PASD1: variants seen among roughly 807,000 people sequenced by gnomAD.
PASD1 encodes circadian clock protein PASD1.
PASD1 carries 13 observed loss-of-function variants against 58.8 expected under a neutral mutation model. That is an observed-to-expected ratio of 0.22 (90% CI 0.14 to 0.35). The LOEUF (loss-of-function observed/expected upper bound fraction) is 0.35. Ranked by LOEUF, PASD1 falls within the 10% of genes least tolerant of loss-of-function variation. PASD1 has a pLI of 1.00. For synonymous variants in PASD1, 236 were observed against 216.7 expected (o/e 1.09, Z -0.78); for missense variants, 734 against 568.3 (o/e 1.29, Z -2.96).
intron 11 of PASD1, among the ~76,000 whole-genome samples, chrX:151,666,716 A>G (rs1395307078): frequency 5.1e-5 from 5 of 97,631 alleles, no homozygotes; most frequent in Non-Finnish European, 1.0e-4. Context: ...ACATGAACTC[A>G]TCATTTTTTA....
intron 10 of PASD1, among the ~76,000 whole-genome samples, chrX:151,661,037 C>T (rs936606294): frequency 2.7e-5 from 3 of 110,731 alleles, no homozygotes; most frequent in African/African-American, 9.9e-5. Context: ...CGCCTGTAGT[C>T]CCAGCTATTC....
intron 4 of PASD1, among the ~76,000 whole-genome samples, chrX:151,616,462 A>G (rs1228050877): frequency 9.3e-6 from 1 of 107,511 alleles, no homozygotes; most frequent in African/African-American, 3.4e-5. Context: ...CTTTTATCTG[A>G]AACCTGCCAT....
chrX:151,570,475 T>C (rs895470098), intron 1 of PASD1, among the ~76,000 whole-genome samples: 5 of 112,380 alleles, frequency 4.4e-5, no homozygotes, highest in Non-Finnish European at 9.4e-5. Flanking sequence ...AAAATGAAAT[T>C]CTAAAAAGAA....
rs1310651400 is a variant in PASD1 at position 151,671,740 on chromosome X, C to G, written c.1398C>G (p.Asn466Lys). The G allele has an allele frequency of 1.7e-6, 2 of 1,208,742 alleles. No individual in the cohort carries two copies. Among genetic ancestry groups the G allele is most frequent in the African/African-American group, 1.7e-5 (1 of 57,257 alleles). The change falls in exon 13 of 16, where the codon AAC becomes AAG. Residue 466 changes from asparagine (N) to lysine (K), a missense_variant. By Grantham distance (94) the Asn-to-Lys change is moderately conservative. Coordinates refer to ENST00000370357, the MANE Select transcript of PASD1 (RefSeq NM_173493.3). ...CGLSLSNSLKNTGELQEPCVA... is the reference protein window; with the variant it reads ...CGLSLSNSLKKTGELQEPCVA... ...TATCTTTATCCAACTCTCTCAAAAA[C>G]ACTGGGGAGCTTCAGGAGCCTTGTG...
chrX:151,636,041 GT>G (rs1024645886), intron 8 of PASD1, among the ~76,000 whole-genome samples: 5 of 111,176 alleles, frequency 4.5e-5, no homozygotes, highest in Non-Finnish European at 9.4e-5. Flanking sequence ...GATATACAAT[GT>G]TTTCAGCACA....
intron 1 of PASD1, among the ~76,000 whole-genome samples, chrX:151,597,837 TCTC>T (rs2013341790): frequency 9.0e-6 from 1 of 111,452 alleles, no homozygotes; most frequent in African/African-American, 3.3e-5. Flanking sequence ...TTCAAGCAAT[TCTC>T]CTGCCTCAGC....
intron 9 of PASD1, among the ~76,000 whole-genome samples, chrX:151,655,699 C>T (rs2014230705): frequency 9.0e-6 from 1 of 111,295 alleles, no homozygotes; most frequent in African/African-American, 3.3e-5. Flanking sequence ...GTTGATGGGG[C>T]TGTTTGTTTT....
intron 1 of PASD1, among the ~76,000 whole-genome samples, chrX:151,567,036 C>T (rs1484805314): frequency 9.8e-6 from 1 of 102,020 alleles, no homozygotes. Context: ...AAGAGTGAAA[C>T]TCCGTCTCAA....
Position 151,599,633 on chromosome X carries a change from C to T in PASD1, c.-27-1894C>T, listed in dbSNP as rs181280305. 2.6e-3 allele frequency among the ~76,000 whole-genome samples: 275 copies of T among 107,811 alleles called. 1 individual carries two copies. Among genetic ancestry groups the T allele is most frequent in the Admixed American group, 0.017 (176 of 10,302 alleles). The allele number at this position is 107,811 out of a possible 115,157, so 93.6% of individuals were successfully genotyped here. A position where few individuals can be genotyped will look rare whatever the true frequency, so the allele number is the denominator to read the frequency against. ...ACTCCTCAGTTCCCAGATGGGGTCG[C>T]GGCCGGGCAGAGGCGCTCCTCACAT... On this transcript the variant is annotated intron_variant, in intron 1 of 15. Transcript: ENST00000370357.
chrX:151,601,629 G>A (rs371041757), intron 2 of PASD1, 48 bp downstream of exon 2: 22 of 1,156,467 alleles, frequency 1.9e-5, no homozygotes, highest in East Asian at 1.2e-4. Flanking sequence ...CCTCTCCCTC[G>A]TCCTGTGTTC....
intron 1 of PASD1, among the ~76,000 whole-genome samples, chrX:151,596,234 G>T (rs2013320688): frequency 8.9e-6 from 1 of 112,091 alleles, no homozygotes. Context: ...CAAGGGGATG[G>T]CCCTAGCTTC....
intron 1 of PASD1, among the ~76,000 whole-genome samples, chrX:151,578,681 G>A (rs2013045394): frequency 8.9e-6 from 1 of 112,143 alleles, no homozygotes; most frequent in Non-Finnish European, 1.9e-5. Flanking sequence ...AGTCCCCTCT[G>A]ATCTTAGATG....
At chrX:151,657,518 T>C (rs2014259100) in intron 9 of PASD1, among the ~76,000 whole-genome samples, 2 of 111,721 alleles carry the variant, frequency 1.8e-5, no homozygotes, top group Admixed American at 1.9e-4. Flanking sequence ...AGGTTATTAA[T>C]TATTGCCTCA....
chrX:151,659,617 A>G, intron 9 of PASD1, 96 bp from the exon 10 acceptor site: 1 of 854,022 alleles, frequency 1.2e-6, no homozygotes, highest in Non-Finnish European at 1.6e-6. Flanking sequence ...AGAAATTGTG[A>G]TGTGAAATGC....
intron 12 of PASD1, 40 bp downstream of exon 12, chrX:151,671,236 T>C: frequency 8.4e-7 from 1 of 1,187,213 alleles, no homozygotes; most frequent in Non-Finnish European, 1.1e-6. Context: ...AGACCAGTTC[T>C]ATATTAGTAG....
intron 1 of PASD1, among the ~76,000 whole-genome samples, chrX:151,571,949 C>T (rs940415641): frequency 1.7e-4 from 19 of 110,940 alleles, no homozygotes; most frequent in African/African-American, 5.6e-4. Context: ...CCTTCTCAGC[C>T]TGTCTGCTTG....
chrX:151,674,251 A>G, intron 15 of PASD1, 65 bp downstream of exon 15: 5 of 1,169,305 alleles, frequency 4.3e-6, no homozygotes, highest in South Asian at 1.9e-5. Context: ...CCCCTTCCAC[A>G]TAAGGCACAC....
intron 9 of PASD1, 90 bp from the exon 10 acceptor site, chrX:151,659,623 A>C (rs772073268): frequency 3.9e-5 from 35 of 901,283 alleles, no homozygotes; most frequent in Non-Finnish European, 5.3e-5. Flanking sequence ...TGTGATGTGA[A>C]ATGCATCAAA....
chrX:151,610,383 T>A (rs1218179644), intron 3 of PASD1, among the ~76,000 whole-genome samples: 4 of 111,561 alleles, frequency 3.6e-5, no homozygotes, highest in Non-Finnish European at 7.5e-5. Context: ...AGACATTTTG[T>A]TTGATTATGT....
Sources: allele counts gnomAD v4.1 joint callset (sites outside exome capture counted in the v4.1 genomes callset), GRCh38; gene constraint gnomAD v4.1.1; transcripts MANE v1.5; gene names NCBI Gene and HGNC (gene_info 2026-07-23, HGNC 2026-07-21).